The following INSL6 variants were observed in gnomAD, a reference collection of about 807,000 sequenced individuals.
INSL6 encodes the protein insulin-like peptide INSL6.
Under a neutral mutation model 9.4 loss-of-function variants are expected in INSL6, and 16 were observed. That is an observed-to-expected ratio of 1.70 (90% confidence interval 1.15 to 2.59). INSL6 has a LOEUF of 2.59. Ranked by LOEUF, INSL6 falls within the 30% of genes most tolerant of loss-of-function variation. INSL6 has a pLI of 0.00. For synonymous variants in INSL6, 154 were observed against 96.9 expected, an observed-to-expected ratio of 1.59 and a Z score of -3.46; for missense variants, 391 against 257.3, an observed-to-expected ratio of 1.52 and a Z score of -3.56.
the INSL6 span, among the ~76,000 whole-genome samples, chr9:5,070,514 C>T: frequency 6.6e-6 from 1 of 152,028 alleles, no homozygotes; most frequent in Non-Finnish European, 1.5e-5. Context: ...AGTTGGCCCT[C>T]TATATACATG....
At chr9:5,035,516 A>C in the INSL6 span, among the ~76,000 whole-genome samples, 2 of 152,374 alleles carry the variant, frequency 1.3e-5, no homozygotes, top group Admixed American at 6.5e-5. Context: ...CCAGCAGCAC[A>C]TCAAAAAGCT....
chr9:5,106,088 C>T, the INSL6 span, among the ~76,000 whole-genome samples: 2 of 152,132 alleles, frequency 1.3e-5, no homozygotes, highest in African/African-American at 4.8e-5. Context: ...TAAACAGCTG[C>T]ACAGCAAAAC....
chr9:5,184,943 C>T (rs1342400053), intron 1 of INSL6, among the ~76,000 whole-genome samples: 2 of 152,104 alleles, frequency 1.3e-5, no homozygotes, highest in African/African-American at 4.8e-5. Context: ...GTGCTAGATA[C>T]TGTGGTAGAA....
the INSL6 span, chr9:5,084,963 G>C: frequency 1.4e-6 from 1 of 718,912 alleles, no homozygotes; most frequent in East Asian, 4.2e-5. Context: ...GGCACAGTCT[G>C]AGATAGCTGC....
the INSL6 span, chr9:5,044,565 A>G: frequency 1.7e-5 from 20 of 1,201,106 alleles, no homozygotes; most frequent in East Asian, 4.8e-4. Context: ...AATGATAAAT[A>G]TCTTGCTGTT....
chr9:5,046,772 G>T, the INSL6 span, among the ~76,000 whole-genome samples: 1 of 151,234 alleles, frequency 6.6e-6, no homozygotes, highest in Non-Finnish European at 1.5e-5. Context: ...ATGGAGAGAG[G>T]CTTCTAAGAA....
At chr9:5,064,050 G>A in the INSL6 span, among the ~76,000 whole-genome samples, 1 of 152,014 alleles carries the variant, frequency 6.6e-6, no homozygotes, top group Non-Finnish European at 1.5e-5. Flanking sequence ...CAGCTTTTTG[G>A]GAGACTGAGA....
chr9:5,063,207 A>G, the INSL6 span, among the ~76,000 whole-genome samples: 2 of 152,138 alleles, frequency 1.3e-5, no homozygotes, highest in South Asian at 2.1e-4. Context: ...TCGTTCTTAT[A>G]TAACTTTTTC....
chr9:5,036,693 C>G, the INSL6 span, among the ~76,000 whole-genome samples: 7 of 152,258 alleles, frequency 4.6e-5, no homozygotes, highest in East Asian at 1.2e-3. Flanking sequence ...CTTCCTTACA[C>G]CTTATACAAA....
intron 2 of INSL6, among the ~76,000 whole-genome samples, chr9:5,134,717 C>A (rs193130599): frequency 6.6e-6 from 1 of 152,158 alleles, no homozygotes; most frequent in Non-Finnish European, 1.5e-5. Flanking sequence ...CAACCGGTAC[C>A]AGCCACTGCA....
intron 3 of INSL6, among the ~76,000 whole-genome samples, chr9:5,129,712 T>C (rs774955614): frequency 6.6e-6 from 1 of 152,150 alleles, no homozygotes; most frequent in African/African-American, 2.4e-5. Context: ...AATATCAAGA[T>C]AACTAGCTGC....
At chr9:5,041,122 G>A in the INSL6 span, 2 of 882,000 alleles carry the variant, frequency 2.3e-6, no homozygotes, top group African/African-American at 1.7e-5. Context: ...CGCCCAAGAC[G>A]GTGCTCCTGA....
intron 2 of INSL6, among the ~76,000 whole-genome samples, chr9:5,147,486 T>G (rs948607107): frequency 2.0e-5 from 3 of 152,196 alleles, no homozygotes; most frequent in African/African-American, 7.2e-5. Context: ...GCTACTGGCT[T>G]GATAGCTCTG....
the INSL6 span, among the ~76,000 whole-genome samples, chr9:5,045,784 T>A: frequency 2.0e-5 from 3 of 152,246 alleles, no homozygotes; most frequent in African/African-American, 7.2e-5. Context: ...TTCCATTGCA[T>A]ATGTATACTG....
chr9:5,151,895 C>T (rs534880498), intron 2 of INSL6, among the ~76,000 whole-genome samples: 5 of 151,938 alleles, frequency 3.3e-5, no homozygotes, highest in East Asian at 3.9e-4. Flanking sequence ...TTACAAGAAA[C>T]TAATTTTACA....
At chr9:5,123,071 G>A, downstream of INSL6, 1 of 1,611,720 alleles carries the variant, frequency 6.2e-7, no homozygotes, top group South Asian at 1.1e-5. Context: ...CTTTGGAGTG[G>A]TTCTGTATGA....
intron 1 of INSL6, among the ~76,000 whole-genome samples, chr9:5,174,046 C>G (rs1825244394): frequency 6.6e-6 from 1 of 152,328 alleles, no homozygotes; most frequent in Admixed American, 6.5e-5. Context: ...ACTCTAAAGC[C>G]AATTTCTGCA....
intron 1 of INSL6, among the ~76,000 whole-genome samples, chr9:5,185,069 A>G (rs1028000384): frequency 7.2e-5 from 11 of 152,216 alleles, no homozygotes; most frequent in African/African-American, 2.7e-4. Context: ...GCACTCCAGA[A>G]AAGAACAACA....
the INSL6 span, among the ~76,000 whole-genome samples, chr9:5,076,126 A>G: frequency 6.6e-6 from 1 of 152,166 alleles, no homozygotes; most frequent in Non-Finnish European, 1.5e-5. Context: ...TCTTATGGAT[A>G]AGCAGAGAAA....
Sources: allele counts gnomAD v4.1 joint callset (sites outside exome capture counted in the v4.1 genomes callset), GRCh38; gene constraint gnomAD v4.1.1; transcripts MANE v1.5; gene names NCBI Gene and HGNC (gene_info 2026-07-23, HGNC 2026-07-21).